Variants in FAM13A observed in about 807,000 individuals in gnomAD.
The protein encoded by FAM13A is family with sequence similarity 13 member A.
Under a neutral mutation model 129.6 loss-of-function variants are expected in FAM13A, and 76 were observed. The ratio of observed to expected loss-of-function variants is 0.59; its 90% CI spans 0.49 to 0.71. FAM13A has a LOEUF of 0.71. Among genes scored for constraint, FAM13A ranks in the 30% least tolerant of loss-of-function variants. The pLI is 0.00. For synonymous variants in FAM13A, 443 were observed against 449.9 expected, an observed-to-expected ratio of 0.98 and a Z score of 0.20; for missense variants, 1,108 against 1,249.3, an observed-to-expected ratio of 0.89 and a Z score of 1.70.
At chr4:89,018,353 C>T (rs944921562) in intron 3 of FAM13A, among the ~76,000 whole-genome samples, 4 of 152,184 alleles carry the variant, frequency 2.6e-5, no homozygotes, top group Admixed American at 6.5e-5. Context: ...AGAGAGAGGC[C>T]TCAGGAGAAA....
Position 88,750,555 on chromosome 4 carries a change from C to G in FAM13A, c.1809G>C (p.Leu603=), listed in dbSNP as rs1307206573. 6.2e-7 allele frequency: 1 copy of G among 1,614,190 alleles called. No homozygotes were observed. Among genetic ancestry groups the G allele is most frequent in the Admixed American group, 1.7e-5 (1 of 60,022 alleles). Residue 603 remains leucine, a synonymous_variant, in exon 15 of 24, where the codon CTG becomes CTC. Coordinates refer to ENST00000264344, the MANE Select transcript of FAM13A (RefSeq NM_014883.4). The stretch of plus-strand genomic sequence containing the variant: ...TGTCTTCGTCCAGCAGCTGACGGAT[C>G]AGGCGCCCAGCCTGCGGCGAGAGGT... ...EAHLSPQAGR[L]IRQLLDEDSD... is the part of the protein sequence containing the mutation.
At chr4:89,020,280 CT>C (rs374510433) in intron 3 of FAM13A, among the ~76,000 whole-genome samples, 179 bp downstream of exon 3, 5,543 of 124,590 alleles carry the variant, frequency 0.044, 221 homozygotes, top group African/African-American at 0.15. Context: ...TTTTTCTGCC[CT>C]TTTTTTTTTT....
intron 19 of FAM13A, among the ~76,000 whole-genome samples, chr4:88,745,222 G>T (rs1003599081): frequency 1.3e-5 from 2 of 152,036 alleles, no homozygotes; most frequent in Non-Finnish European, 2.9e-5. Flanking sequence ...ATCTATAACA[G>T]ATATCTATTA....
chr4:88,744,608 G>A (rs1211232391), intron 19 of FAM13A, among the ~76,000 whole-genome samples: 1 of 152,160 alleles, frequency 6.6e-6, no homozygotes, highest in Admixed American at 6.5e-5. Context: ...AACAATTGGG[G>A]TTTGGAACAA....
chr4:88,788,999 T>C (rs2149666914), intron 9 of FAM13A, among the ~76,000 whole-genome samples: 1 of 152,300 alleles, frequency 6.6e-6, no homozygotes, highest in East Asian at 1.9e-4. Flanking sequence ...ATGTCTCAAA[T>C]GATTCAAGAT....
chr4:88,832,973 T>G (rs375435128), intron 7 of FAM13A, among the ~76,000 whole-genome samples: 177 of 152,196 alleles, frequency 1.2e-3, no homozygotes, highest in Middle Eastern at 0.01. Context: ...AGACATGGAA[T>G]GAACCCAAAT....
intron 3 of FAM13A, among the ~76,000 whole-genome samples, chr4:88,996,616 G>C (rs1022424872): frequency 2.6e-5 from 4 of 152,152 alleles, no homozygotes; most frequent in Non-Finnish European, 5.9e-5. Flanking sequence ...TAGCAGGTGA[G>C]ACATTAGGCA....
chr4:88,822,101 C>A (rs558812995), intron 7 of FAM13A, among the ~76,000 whole-genome samples: 3 of 151,780 alleles, frequency 2.0e-5, no homozygotes, highest in African/African-American at 4.8e-5. Flanking sequence ...ACTAATAAAA[C>A]CTTCTATAGT....
At chr4:88,749,175 A>T (rs1268125773) in intron 16 of FAM13A, 142 bp from the exon 17 acceptor site, 2 of 676,344 alleles carry the variant, frequency 3.0e-6, no homozygotes, top group Non-Finnish European at 5.3e-6. Context: ...AATCAGAGCA[A>T]ATGTCACAAA....
At chr4:88,806,613 G>C (rs906979097) in intron 7 of FAM13A, among the ~76,000 whole-genome samples, 1 of 152,136 alleles carries the variant, frequency 6.6e-6, no homozygotes, top group African/African-American at 2.4e-5. Context: ...TTTCAACACT[G>C]ATCAGCTGTT....
intron 3 of FAM13A, among the ~76,000 whole-genome samples, chr4:89,006,983 G>C (rs903234963): frequency 2.0e-5 from 3 of 152,116 alleles, no homozygotes; most frequent in South Asian, 4.1e-4. Flanking sequence ...CACAGGATAG[G>C]GGGGCAGGAT....
At chr4:88,783,644 T>C (rs2149633369) in intron 10 of FAM13A, among the ~76,000 whole-genome samples, 1 of 152,304 alleles carries the variant, frequency 6.6e-6, no homozygotes, top group Non-Finnish European at 1.5e-5. Context: ...GACGGATTTA[T>C]GTACCCTCAA....
chr4:89,030,699 G>C (rs1433464340), intron 1 of FAM13A, among the ~76,000 whole-genome samples: 1 of 152,158 alleles, frequency 6.6e-6, no homozygotes, highest in African/African-American at 2.4e-5. Flanking sequence ...CAGAGAACTA[G>C]TAAGAGACAG....
At chr4:88,774,703 C>A (rs1399466875) in intron 11 of FAM13A, among the ~76,000 whole-genome samples, 1 of 152,016 alleles carries the variant, frequency 6.6e-6, no homozygotes, top group Non-Finnish European at 1.5e-5. Flanking sequence ...ACAATAAGAG[C>A]CTCAACTATG....
At chr4:88,771,606 CT>C (rs1412657848) in intron 11 of FAM13A, among the ~76,000 whole-genome samples, 1 of 152,112 alleles carries the variant, frequency 6.6e-6, no homozygotes, top group Non-Finnish European at 1.5e-5. Flanking sequence ...ATTGCATTAA[CT>C]TTTATTTTAA....
chr4:88,752,660 C>T (rs1184341992), intron 14 of FAM13A, among the ~76,000 whole-genome samples: 2 of 152,118 alleles, frequency 1.3e-5, no homozygotes, highest in Admixed American at 6.5e-5. Flanking sequence ...TCTGCTCCTC[C>T]TAAGTGGTAG....
chr4:89,057,077 C>A lies in FAM13A; in HGVS notation c.-113G>T. On this transcript the variant is annotated 5_prime_UTR_variant, in exon 1 of 24. Coordinates refer to ENST00000264344, the MANE Select transcript of FAM13A (RefSeq NM_014883.4). ...ATTCTTTGATGTGAAAAACAGCTCC[C>A]AATGCAAAGGCCCCAAGGTAAGCGA... The A allele has an allele frequency of 6.5e-7, 1 of 1,549,532 alleles. No homozygotes were observed. The highest frequency in any genetic ancestry group is 2.3e-5 in the East Asian group (1 of 43,456).
intron 8 of FAM13A, among the ~76,000 whole-genome samples, chr4:88,798,804 T>C (rs1476531517): frequency 6.6e-6 from 1 of 152,120 alleles, no homozygotes; most frequent in Non-Finnish European, 1.5e-5. Context: ...ACTAGAGGCT[T>C]ACGTTTTATT....
chr4:88,902,124 C>T (rs576415709), intron 6 of FAM13A, among the ~76,000 whole-genome samples: 1 of 152,108 alleles, frequency 6.6e-6, no homozygotes, highest in Non-Finnish European at 1.5e-5. Context: ...AAATAGCCTA[C>T]AACCAAAAAG....
Sources: gnomAD v4.1 joint callset for allele counts (sites outside exome capture counted in the v4.1 genomes callset) on GRCh38, gnomAD v4.1.1 for gene constraint, MANE v1.5 for transcripts, NCBI Gene and HGNC (gene_info 2026-07-23, HGNC 2026-07-21) for gene names.